The following NRXN3 variants were observed in gnomAD, a reference collection of about 807,000 sequenced individuals.
NRXN3 encodes neurexin 3.
A neutral mutation model predicts 137.6 loss-of-function variants in NRXN3; 32 were observed. The ratio of observed to expected loss-of-function variants is 0.23; its 90% CI spans 0.18 to 0.31. The LOEUF (loss-of-function observed/expected upper bound fraction) is 0.31. Among genes scored for constraint, NRXN3 ranks in the 10% least tolerant of loss-of-function variants. The pLI is 1.00. For missense variants in NRXN3, 1,574 were observed against 2,062.5 expected, an observed-to-expected ratio of 0.76 and a Z score of 4.59; for synonymous variants, 798 against 784.5, an observed-to-expected ratio of 1.02 and a Z score of -0.29.
chr14:79,450,373 A>ATAAT (rs2096146711), intron 15 of NRXN3, among the ~76,000 whole-genome samples: 1 of 152,190 alleles, frequency 6.6e-6, no homozygotes, highest in African/African-American at 2.4e-5. Flanking sequence ...TAGCATGGTG[A>ATAAT]CTACAGCTAA....
intron 1 of NRXN3, among the ~76,000 whole-genome samples, chr14:78,186,639 G>C (rs575560036): frequency 6.6e-5 from 10 of 152,352 alleles, no homozygotes; most frequent in Admixed American, 4.6e-4. Context: ...TCTGCTCCTT[G>C]AAATGGACGT....
At chr14:78,441,956 C>T (rs1043691204) in intron 4 of NRXN3, among the ~76,000 whole-genome samples, 55 of 151,932 alleles carry the variant, frequency 3.6e-4, no homozygotes, top group Admixed American at 9.8e-4. Flanking sequence ...ATTAGCCAGG[C>T]GTGGTGGCGG....
intron 8 of NRXN3, among the ~76,000 whole-genome samples, chr14:78,754,359 C>A (rs570109423): frequency 1.3e-5 from 2 of 152,168 alleles, no homozygotes; most frequent in South Asian, 4.1e-4. Flanking sequence ...CACCCCACAC[C>A]GTTCTCCTCA....
chr14:79,280,910 T>G, intron 15 of NRXN3: 1 of 200,032 alleles, frequency 5.0e-6, no homozygotes, highest in South Asian at 9.5e-5. Flanking sequence ...TCACCTTGCT[T>G]TCACCCTTCT....
chr14:78,920,193 C>T (rs2099267285), intron 10 of NRXN3, among the ~76,000 whole-genome samples: 1 of 152,106 alleles, frequency 6.6e-6, no homozygotes, highest in African/African-American at 2.4e-5. Context: ...GATGGAGCAG[C>T]CACAATCTAG....
intron 17 of NRXN3, among the ~76,000 whole-genome samples, chr14:79,671,073 A>T (rs1030182710): frequency 1.3e-5 from 2 of 152,120 alleles, no homozygotes; most frequent in African/African-American, 4.8e-5. Flanking sequence ...GATGGCTGCC[A>T]TTTGCCGAAC....
At chr14:79,406,215 C>G (rs2095308036) in intron 15 of NRXN3, among the ~76,000 whole-genome samples, 1 of 151,938 alleles carries the variant, frequency 6.6e-6, no homozygotes, top group South Asian at 2.1e-4. Context: ...CAGCAACATA[C>G]TCAAGATCAT....
intron 15 of NRXN3, among the ~76,000 whole-genome samples, chr14:79,168,517 T>C (rs1031249169): frequency 3.3e-5 from 5 of 152,026 alleles, no homozygotes; most frequent in African/African-American, 1.2e-4. Flanking sequence ...TGTTTTTAAA[T>C]TTTTTAGGTG....
intron 15 of NRXN3, among the ~76,000 whole-genome samples, chr14:79,108,285 A>G (rs187529048): frequency 6.6e-6 from 1 of 152,322 alleles, no homozygotes; most frequent in East Asian, 1.9e-4. Flanking sequence ...AATTATAGAC[A>G]GACCAATTCT....
intron 4 of NRXN3, among the ~76,000 whole-genome samples, chr14:78,640,166 A>G (rs1160446053): frequency 1.3e-5 from 2 of 152,152 alleles, no homozygotes; most frequent in African/African-American, 4.8e-5. Flanking sequence ...TTGTTCTGCT[A>G]GGAACTTCTG....
rs1039665764 is a variant in NRXN3, at chr14:78,712,568, A to G, written c.1661-2188A>G. ...TGTTTTTAACTTTAGTTAATTAATT[A>G]ATTAAATTTCTTGAGAGCTAGTCTC... On this transcript the variant is annotated intron_variant, in intron 7 of 20. Transcript: ENST00000335750. 7.2e-5 allele frequency among the ~76,000 whole-genome samples: 11 copies of G among 152,250 alleles called. No individual in the cohort carries two copies. In the East Asian group the frequency reaches 2.1e-3, roughly 29 times the overall value.
intron 15 of NRXN3, chr14:79,281,888 C>T (rs1020623586): frequency 6.6e-6 from 1 of 152,240 alleles, no homozygotes; most frequent in Non-Finnish European, 1.5e-5. Flanking sequence ...TGAGCTTTGG[C>T]TTTATGCTGT....
At chr14:78,246,453 T>A (rs2067694935) in intron 2 of NRXN3, among the ~76,000 whole-genome samples, 1 of 152,106 alleles carries the variant, frequency 6.6e-6, no homozygotes, top group South Asian at 2.1e-4. Context: ...CAAACACACA[T>A]CCTAACTCAT....
chr14:79,094,182 G>A (rs2049797989), intron 15 of NRXN3, among the ~76,000 whole-genome samples: 1 of 152,144 alleles, frequency 6.6e-6, no homozygotes, highest in African/African-American at 2.4e-5. Context: ...AAGGGGACAT[G>A]GCAGAGTTAC....
At chr14:79,736,135 T>C (rs1329461785) in intron 19 of NRXN3, among the ~76,000 whole-genome samples, 2 of 152,182 alleles carry the variant, frequency 1.3e-5, no homozygotes, top group African/African-American at 4.8e-5. Context: ...CCTTGTTCCA[T>C]TGATCTGAGA....
chr14:79,230,928 C>A (rs1445277449), intron 15 of NRXN3, among the ~76,000 whole-genome samples: 1 of 152,086 alleles, frequency 6.6e-6, no homozygotes, highest in Non-Finnish European at 1.5e-5. Context: ...TCTTAGCATA[C>A]AAGAGTTACT....
intron 19 of NRXN3, among the ~76,000 whole-genome samples, chr14:79,738,507 C>A (rs780145307): frequency 1.3e-5 from 2 of 152,142 alleles, no homozygotes; most frequent in Admixed American, 1.3e-4. Flanking sequence ...CTCAATGATA[C>A]TAATTTCAAA....
At chr14:78,740,356 A>G (rs1330454231) in intron 8 of NRXN3, among the ~76,000 whole-genome samples, 1 of 143,842 alleles carries the variant, frequency 7.0e-6, no homozygotes, top group Non-Finnish European at 1.5e-5. Context: ...GTAACAGTTA[A>G]TAATAAAGCA....
chr14:79,743,197 C>A (rs1051999118), intron 19 of NRXN3, among the ~76,000 whole-genome samples: 25 of 152,064 alleles, frequency 1.6e-4, no homozygotes, highest in African/African-American at 6.0e-4. Flanking sequence ...ATTTAGGTAT[C>A]CACAGTGTGT....
Sources: gnomAD v4.1 joint callset for allele counts (sites outside exome capture counted in the v4.1 genomes callset) on GRCh38, gnomAD v4.1.1 for gene constraint, MANE v1.5 for transcripts, NCBI Gene and HGNC (gene_info 2026-07-23, HGNC 2026-07-21) for gene names.